Variants in ERC2 observed in about 807,000 individuals in gnomAD.
ERC2 encodes the protein ERC protein 2.
Under a neutral mutation model 114.8 loss-of-function variants are expected in ERC2, and 42 were observed. That is an observed-to-expected ratio of 0.37 (90% CI 0.29 to 0.47). The LOEUF (loss-of-function observed/expected upper bound fraction) is 0.47, where lower values mean the gene tolerates loss of function less well. Ranked by LOEUF, ERC2 falls within the 20% of genes least tolerant of loss-of-function variation. The pLI is 0.99. For missense variants in ERC2, 939 were observed against 1,150.7 expected (o/e 0.82, Z 2.66); for synonymous variants, 454 against 425.5 (o/e 1.07, Z -0.82).
intron 17 of ERC2, among the ~76,000 whole-genome samples, chr3:55,634,033 G>C (rs1271661257): frequency 6.6e-6 from 1 of 152,200 alleles, no homozygotes; most frequent in Non-Finnish European, 1.5e-5. Flanking sequence ...GATGTGGTCA[G>C]TTTGTCAGCA....
intron 7 of ERC2, among the ~76,000 whole-genome samples, chr3:56,033,030 CAGAAAGAAAGAAAGAAAGAA>C (rs71099612): frequency 0.038 from 2,461 of 65,296 alleles, 158 homozygotes; most frequent in Middle Eastern, 0.096. Flanking sequence ...AAAAAAGAAA[CAGAAAGAAAGAAAGAAAGAA>C]AGAAAGAAAG....
intron 13 of ERC2, among the ~76,000 whole-genome samples, chr3:55,902,347 C>G (rs1363243929): frequency 6.6e-6 from 1 of 152,122 alleles, no homozygotes; most frequent in Admixed American, 6.5e-5. Flanking sequence ...CCCTAGGGCA[C>G]AGCATCCCCC....
chr3:56,161,150 C>T (rs914278447), intron 4 of ERC2, among the ~76,000 whole-genome samples: 5 of 152,118 alleles, frequency 3.3e-5, no homozygotes, highest in Admixed American at 2.0e-4. Context: ...GGCCCTCCTC[C>T]CAGTTCTTGC....
intron 14 of ERC2, among the ~76,000 whole-genome samples, chr3:55,803,126 C>T (rs1203491597): frequency 6.6e-6 from 1 of 152,152 alleles, no homozygotes; most frequent in Non-Finnish European, 1.5e-5. Flanking sequence ...AGACCAGTAA[C>T]CAAGTGCACA....
At chr3:55,576,411 A>C (rs1452299766) in intron 17 of ERC2, among the ~76,000 whole-genome samples, 2 of 152,236 alleles carry the variant, frequency 1.3e-5, no homozygotes, top group Non-Finnish European at 2.9e-5. Flanking sequence ...CTTGATGCCC[A>C]AAATAATCCT....
intron 13 of ERC2, among the ~76,000 whole-genome samples, chr3:55,934,666 A>G (rs894165382): frequency 1.3e-5 from 2 of 152,220 alleles, no homozygotes; most frequent in Admixed American, 6.5e-5. Flanking sequence ...AACAACATCC[A>G]GATCTAGACA....
At position 56,052,955 on chromosome 3, in the gene ERC2, C is replaced by T. The variant is rs922677156; in HGVS notation, c.1641+27862G>A. ...CACTCTTCAGGTGGGGTAGGACTGA[C>T]AGTGTGAAGAAAGGTAGTCAGGTGG... On this transcript the variant is annotated intron_variant, in intron 7 of 17. Transcript: ENST00000288221. 2.0e-4 allele frequency among the ~76,000 whole-genome samples: 30 copies of T among 152,012 alleles called. 1 individual carries two copies. The highest frequency in any genetic ancestry group is 2.0e-3 in the Admixed American group (30 of 15,254).
intron 16 of ERC2, among the ~76,000 whole-genome samples, chr3:55,693,506 T>C (rs2062769573): frequency 6.6e-6 from 1 of 152,030 alleles, no homozygotes; most frequent in South Asian, 2.1e-4. Context: ...GTCTCTCCAC[T>C]ACTTGAGGAT....
chr3:56,084,129 C>G (rs1335875179), intron 6 of ERC2, among the ~76,000 whole-genome samples: 1 of 152,068 alleles, frequency 6.6e-6, no homozygotes, highest in African/African-American at 2.4e-5. Context: ...CATCACTAAT[C>G]ATCAGGGAAA....
intron 17 of ERC2, among the ~76,000 whole-genome samples, chr3:55,649,825 T>G (rs1445836573): frequency 6.6e-6 from 1 of 152,166 alleles, no homozygotes; most frequent in Non-Finnish European, 1.5e-5. Context: ...CAGAAGTCAT[T>G]CAAGGTGACT....
intron 13 of ERC2, among the ~76,000 whole-genome samples, chr3:55,941,205 C>G (rs2149424379): frequency 6.6e-6 from 1 of 152,180 alleles, no homozygotes; most frequent in Middle Eastern, 3.4e-3. Context: ...GTGGGTAAGA[C>G]TTGTCTTGGG....
At chr3:56,157,085 A>G (rs1187148460) in intron 4 of ERC2, among the ~76,000 whole-genome samples, 2 of 152,194 alleles carry the variant, frequency 1.3e-5, no homozygotes, top group Non-Finnish European at 2.9e-5. Flanking sequence ...ACAGATGGTA[A>G]ATAACTTGCC....
At chr3:56,372,759 G>C (rs2059403140) in intron 2 of ERC2, among the ~76,000 whole-genome samples, 3 of 151,900 alleles carry the variant, frequency 2.0e-5, no homozygotes, top group South Asian at 4.2e-4. Context: ...AAGAAAATTA[G>C]AGCAAGGTCA....
At chr3:55,903,139 C>T (rs181956689) in intron 13 of ERC2, among the ~76,000 whole-genome samples, 2 of 152,286 alleles carry the variant, frequency 1.3e-5, no homozygotes, top group East Asian at 1.9e-4. Context: ...TCACCAAATA[C>T]CTGTATCATG....
intron 2 of ERC2, among the ~76,000 whole-genome samples, chr3:56,385,738 T>A (rs1411767113): frequency 6.6e-6 from 1 of 152,186 alleles, no homozygotes; most frequent in Non-Finnish European, 1.5e-5. Context: ...ATTAAGACAA[T>A]CCATAAACAT....
At chr3:56,352,224 A>C (rs2058581751) in intron 2 of ERC2, among the ~76,000 whole-genome samples, 1 of 152,238 alleles carries the variant, frequency 6.6e-6, no homozygotes, top group African/African-American at 2.4e-5. Flanking sequence ...GCAGGTCAAG[A>C]GACTACTGTA....
At chr3:56,103,086 G>C (rs1439456795) in intron 6 of ERC2, among the ~76,000 whole-genome samples, 5 of 152,074 alleles carry the variant, frequency 3.3e-5, no homozygotes, top group African/African-American at 7.2e-5. Flanking sequence ...GGGGATGCAG[G>C]ATGAATTAGA....
intron 14 of ERC2, among the ~76,000 whole-genome samples, chr3:55,823,108 A>G (rs2060194384): frequency 6.6e-6 from 1 of 152,150 alleles, no homozygotes; most frequent in South Asian, 2.1e-4. Context: ...GTGCTGAGTT[A>G]GTAGAGCAAA....
At chr3:55,729,185 T>A (rs2065096324) in intron 15 of ERC2, among the ~76,000 whole-genome samples, 1 of 152,200 alleles carries the variant, frequency 6.6e-6, no homozygotes, top group East Asian at 1.9e-4. Flanking sequence ...CTACAGTCTA[T>A]TCCACCCATT....
Sources: gnomAD v4.1 joint callset for allele counts (sites outside exome capture counted in the v4.1 genomes callset) on GRCh38, gnomAD v4.1.1 for gene constraint, MANE v1.5 for transcripts, NCBI Gene and HGNC (gene_info 2026-07-23, HGNC 2026-07-21) for gene names.